The following CEP192 variants were observed in gnomAD, a reference collection of about 807,000 sequenced individuals.
The protein encoded by CEP192 is centrosomal protein of 192 kDa.
In CEP192, 151 loss-of-function variants were observed where a neutral mutation model predicts 271.8. The ratio of observed to expected loss-of-function variants is 0.56; its 90% CI spans 0.49 to 0.64. The LOEUF (loss-of-function observed/expected upper bound fraction) is 0.64. Among genes scored for constraint, CEP192 ranks in the 30% least tolerant of loss-of-function variants. The probability of loss-of-function intolerance (pLI) is 0.00; values close to 1 mark genes in which losing one functional copy is unlikely to be tolerated. For synonymous variants in CEP192, 995 were observed against 1,076.5 expected, an observed-to-expected ratio of 0.92 and a Z score of 1.48; for missense variants, 2,910 against 3,020.5, an observed-to-expected ratio of 0.96 and a Z score of 0.86.
At chr18:13,023,945 T>C (rs2035139687) in intron 9 of CEP192, among the ~76,000 whole-genome samples, 1 of 152,202 alleles carries the variant, frequency 6.6e-6, no homozygotes, top group African/African-American at 2.4e-5. Context: ...AGTTTTTTTC[T>C]GATAAGAAGA....
At chr18:13,103,753 T>C (rs2144931710) in intron 39 of CEP192, 165 bp downstream of exon 39, 1 of 663,488 alleles carries the variant, frequency 1.5e-6, no homozygotes, top group South Asian at 1.6e-5. Flanking sequence ...TGCAGTGGTA[T>C]GAACACTGCT....
chr18:13,087,022 T>G lies in CEP192; in HGVS notation c.5622T>G (p.Pro1874=), dbSNP rs772547635. ...RSQPGIKFTI[P]LSGYGGTSNL... ...GATATGTATATCTTTTTTAGATACC[T>G]TTGTCTGGATATGGAGGAACAAGCA... Residue 1874 remains proline, a synonymous_variant, in exon 31 of 45, where the codon CCT becomes CCG. Transcript: ENST00000506447. 6.2e-7 allele frequency: 1 copy of G among 1,605,354 alleles called. No homozygotes were observed. The highest frequency in any genetic ancestry group is 1.1e-5 in the South Asian group (1 of 90,350).
chr18:13,015,585 G>A, intron 6 of CEP192, 137 bp downstream of exon 6: 2 of 711,850 alleles, frequency 2.8e-6, no homozygotes, highest in Non-Finnish European at 4.8e-6. Flanking sequence ...GCACTCAAAT[G>A]GCCACTTCTA....
Position 13,069,084 on chromosome 18 carries a change from T to C in CEP192, c.4963-5T>C. The stretch of plus-strand genomic sequence containing the variant: ...TTGAAATGTCTGTCTTGCCCCATCC[T>C]CCAGACGATGCATTTCTTGGCCAAA... On this transcript the variant is annotated splice_polypyrimidine_tract_variant and splice_region_variant and intron_variant, in intron 25 of 44. Transcript: ENST00000506447. The C allele has an allele frequency of 1.2e-6, 2 of 1,614,160 alleles. No individual in the cohort carries two copies. The highest frequency in any genetic ancestry group is 1.1e-5 in the South Asian group (1 of 91,086).
chr18:13,066,622 G>A (rs979992182), intron 21 of CEP192, among the ~76,000 whole-genome samples: 5 of 152,090 alleles, frequency 3.3e-5, no homozygotes, highest in East Asian at 3.8e-4. Context: ...TGGCCTAGGC[G>A]TAGGCTTTCA....
intron 30 of CEP192, among the ~76,000 whole-genome samples, chr18:13,082,189 A>G (rs949854117): frequency 1.3e-5 from 2 of 152,088 alleles, no homozygotes; most frequent in Admixed American, 1.3e-4. Context: ...TGATGTGTCT[A>G]ATATTGACAG....
chr18:13,052,843 A>G (rs1477744304), intron 17 of CEP192, 76 bp from the exon 18 acceptor site: 16 of 1,157,738 alleles, frequency 1.4e-5, no homozygotes, highest in Admixed American at 2.5e-5. Flanking sequence ...TTGTAGGCCC[A>G]TAGGAATGGT....
chr18:13,078,300 T>C (rs574741734), intron 30 of CEP192, among the ~76,000 whole-genome samples: 1 of 152,378 alleles, frequency 6.6e-6, no homozygotes, highest in African/African-American at 2.4e-5. Context: ...CTATGGTGTA[T>C]ATGTGCCACA....
At chr18:13,009,381 T>G (rs1252237133) in intron 4 of CEP192, among the ~76,000 whole-genome samples, 1 of 152,218 alleles carries the variant, frequency 6.6e-6, no homozygotes. Flanking sequence ...CTTCCACTTT[T>G]CTCCCACTAA....
In CEP192 at chr18:13,035,722, G is replaced by A. The variant is rs149078410; in HGVS notation, c.1535-1515G>A. ...TTTTAGGGCAGTGGTTTTTAACTTAGCTTGAGTCATAGATTCCACAATGAA... is the reference window on the plus strand; with the variant it reads ...TTTTAGGGCAGTGGTTTTTAACTTAACTTGAGTCATAGATTCCACAATGAA... On this transcript the variant is annotated intron_variant, in intron 11 of 44. Coordinates refer to ENST00000506447, the MANE Select transcript of CEP192 (RefSeq NM_032142.4). Among the ~76,000 whole-genome samples, 904 of 152,248 alleles carry A rather than the reference G, an allele frequency of 5.9e-3. 9 individuals carry two copies. Among genetic ancestry groups the A allele is most frequent in the African/African-American group, 0.021 (869 of 41,530 alleles).
intron 17 of CEP192, among the ~76,000 whole-genome samples, chr18:13,050,692 G>T (rs1279223137): frequency 6.6e-6 from 1 of 151,470 alleles, no homozygotes; most frequent in African/African-American, 2.4e-5. Flanking sequence ...CGATTCTCCT[G>T]CCTCGGTCTC....
At chr18:13,026,815 G>C (rs1046782543) in intron 9 of CEP192, among the ~76,000 whole-genome samples, 3 of 152,042 alleles carry the variant, frequency 2.0e-5, no homozygotes, top group Non-Finnish European at 4.4e-5. Context: ...AGAGCCCTTA[G>C]AATATTCATC....
chr18:13,012,355 A>G (rs530505585), intron 4 of CEP192, among the ~76,000 whole-genome samples: 1 of 152,296 alleles, frequency 6.6e-6, no homozygotes, highest in South Asian at 2.1e-4. Flanking sequence ...ATTTTGTCAT[A>G]CTTGCATCAT....
At chr18:13,074,344 G>T (rs772364480) in intron 30 of CEP192, among the ~76,000 whole-genome samples, 1 of 152,158 alleles carries the variant, frequency 6.6e-6, no homozygotes, top group South Asian at 2.1e-4. Flanking sequence ...AAAAACTGGC[G>T]TCCTTCCATG....
chr18:13,049,824 T>C lies in CEP192; in HGVS notation c.2950T>C (p.Phe984Leu), dbSNP rs1239932640. The C allele has an allele frequency of 6.2e-7, 1 of 1,613,906 alleles. No individual in the cohort carries two copies. The highest frequency in any genetic ancestry group is 1.7e-5 in the Admixed American group (1 of 59,990). Residue 984 changes from phenylalanine to leucine, a missense_variant, in exon 17 of 45, where the codon TTC (phenylalanine) becomes CTC (leucine). Physicochemically the swap from Phe to Leu is conservative, Grantham distance 22. Coordinates refer to ENST00000506447, the MANE Select transcript of CEP192 (RefSeq NM_032142.4). ...TGGCTCAGAGGATGAGCAGGAGAGC[T>C]TCAGACCTTCCACGTCACCACTGAG... Reference protein sequence around the residue: ...GRGSEDEQESFRPSTSPLSHS... With the variant: ...GRGSEDEQESLRPSTSPLSHS...
chr18:13,091,402 A>G (rs569421200), intron 33 of CEP192, among the ~76,000 whole-genome samples: 1 of 152,262 alleles, frequency 6.6e-6, no homozygotes, highest in East Asian at 1.9e-4. Context: ...TGTGATTATA[A>G]GTTTATTGCC....
intron 7 of CEP192, among the ~76,000 whole-genome samples, chr18:13,017,981 A>G (rs994093305): frequency 6.6e-6 from 1 of 152,154 alleles, no homozygotes; most frequent in African/African-American, 2.4e-5. Context: ...TAATCTAGTC[A>G]GGAGGGAAAA....
chr18:13,001,766 T>C (rs1311988459), intron 3 of CEP192, among the ~76,000 whole-genome samples, 184 bp downstream of exon 3: 1 of 152,204 alleles, frequency 6.6e-6, no homozygotes, highest in East Asian at 1.9e-4. Context: ...TGCAATGGTG[T>C]GATCTCAGCT....
At chr18:12,999,276 A>G (rs2033456975) in intron 1 of CEP192, 145 bp from the exon 2 acceptor site, 1 of 575,756 alleles carries the variant, frequency 1.7e-6, no homozygotes, top group African/African-American at 1.9e-5. Context: ...ATTTTACCTC[A>G]GACTATTTGC....
Sources: allele counts gnomAD v4.1 joint callset (sites outside exome capture counted in the v4.1 genomes callset), GRCh38; gene constraint gnomAD v4.1.1; transcripts MANE v1.5; gene names NCBI Gene and HGNC (gene_info 2026-07-23, HGNC 2026-07-21).